Variants in GPR143 observed in about 807,000 individuals in gnomAD.
GPR143 encodes the protein G protein-coupled receptor 143, also known as G-protein coupled receptor 143.
In GPR143, 8 loss-of-function variants were observed where a neutral mutation model predicts 27.6. The observed-to-expected ratio is 0.29, with a 90% confidence interval of 0.17 to 0.52. The LOEUF (loss-of-function observed/expected upper bound fraction) is 0.52, where lower values mean the gene tolerates loss of function less well. GPR143 is among the 20% of genes least tolerant of loss of function. GPR143 has a pLI of 0.96. For missense variants in GPR143, 303 were observed against 343.1 expected, an observed-to-expected ratio of 0.88 and a Z score of 0.92; for synonymous variants, 156 against 153.2, an observed-to-expected ratio of 1.02 and a Z score of -0.13.
intron 2 of GPR143, among the ~76,000 whole-genome samples, chrX:9,759,768 G>A (rs889069172): frequency 1.7e-4 from 19 of 111,701 alleles, no homozygotes; most frequent in African/African-American, 5.8e-4. Flanking sequence ...CGGGGAGGAG[G>A]GACTCAGGCA....
chrX:9,747,494 C>T (rs2083434205), intron 4 of GPR143, among the ~76,000 whole-genome samples: 1 of 111,003 alleles, frequency 9.0e-6, no homozygotes, highest in South Asian at 3.8e-4. Context: ...AAGTGCATTC[C>T]GTTATAACAG....
intron 1 of GPR143, among the ~76,000 whole-genome samples, chrX:9,762,070 G>C (rs1374048231): frequency 9.0e-6 from 1 of 110,530 alleles, no homozygotes; most frequent in African/African-American, 3.3e-5. Flanking sequence ...CTGGGCGACA[G>C]AGTGAGACCC....
chrX:9,730,715 G>C (rs1415930729), intron 8 of GPR143, among the ~76,000 whole-genome samples: 1 of 112,066 alleles, frequency 8.9e-6, no homozygotes. Context: ...ATTATGGAGG[G>C]GAAGAGAAGT....
At chrX:9,726,791 T>TTTGA (rs199642381) in intron 8 of GPR143, among the ~76,000 whole-genome samples, 1,991 of 112,492 alleles carry the variant, frequency 0.018, 38 homozygotes, top group African/African-American at 0.061. Flanking sequence ...CTGGCTTTCT[T>TTTGA]TTGATTTCAT....
intron 3 of GPR143, among the ~76,000 whole-genome samples, chrX:9,754,262 C>CA (rs1441349387): frequency 8.9e-6 from 1 of 111,933 alleles, no homozygotes; most frequent in Non-Finnish European, 1.9e-5. Context: ...GAAACAAGCC[C>CA]AAAGAGCTTC....
intron 3 of GPR143, among the ~76,000 whole-genome samples, chrX:9,752,424 C>A (rs2083455116): frequency 8.9e-6 from 1 of 111,811 alleles, no homozygotes; most frequent in South Asian, 3.8e-4. Context: ...AAATACATTT[C>A]CCTAAAGATG....
At chrX:9,751,412 G>A (rs368436120) in intron 3 of GPR143, among the ~76,000 whole-genome samples, 8 of 112,485 alleles carry the variant, frequency 7.1e-5, no homozygotes, top group African/African-American at 2.3e-4. Flanking sequence ...TTTCCCTTCC[G>A]GTGCACATTC....
intron 7 of GPR143, chrX:9,740,885 T>C (rs962514377): frequency 3.4e-6 from 1 of 296,159 alleles, no homozygotes. Context: ...ATCCATGCTC[T>C]GATATTGTGA....
chrX:9,744,961 G>A (rs1282890664), intron 5 of GPR143, among the ~76,000 whole-genome samples: 2 of 111,834 alleles, frequency 1.8e-5, no homozygotes, highest in African/African-American at 6.5e-5. Context: ...ATATTTAAAT[G>A]TAGATATGCG....
intron 3 of GPR143, among the ~76,000 whole-genome samples, chrX:9,753,926 A>T (rs893977896): frequency 9.0e-6 from 1 of 111,513 alleles, no homozygotes; most frequent in Admixed American, 9.6e-5. Flanking sequence ...TCTAGCTTTC[A>T]TCTTTGTACT....
chrX:9,742,697 G>T (rs764151604), intron 6 of GPR143, among the ~76,000 whole-genome samples: 1 of 111,915 alleles, frequency 8.9e-6, no homozygotes, highest in South Asian at 3.7e-4. Flanking sequence ...GGGGAAAAAT[G>T]AGGAGAGACA....
intron 1 of GPR143, among the ~76,000 whole-genome samples, chrX:9,774,301 C>A (rs1176816431): frequency 8.9e-6 from 1 of 112,717 alleles, no homozygotes; most frequent in Non-Finnish European, 1.9e-5. Flanking sequence ...TGTGGGCTGT[C>A]TCCAAGGCCG....
intron 8 of GPR143, chrX:9,726,065 C>T (rs1267905187): frequency 6.5e-6 from 4 of 610,981 alleles, no homozygotes; most frequent in African/African-American, 5.3e-5. Flanking sequence ...ATCATTACAA[C>T]GGATGACACA....
intron 1 of GPR143, among the ~76,000 whole-genome samples, chrX:9,762,115 C>T (rs1243757971): frequency 2.0e-5 from 2 of 99,644 alleles, no homozygotes; most frequent in African/African-American, 3.8e-5. Context: ...AAGAGCCTGG[C>T]ATGGTGGCTC....
At chrX:9,757,370 A>G (rs2083477728) in intron 3 of GPR143, among the ~76,000 whole-genome samples, 2 of 112,719 alleles carry the variant, frequency 1.8e-5, no homozygotes, top group Non-Finnish European at 3.7e-5. Flanking sequence ...CTTAGGGGTT[A>G]GAATTTCAAT....
intron 1 of GPR143, among the ~76,000 whole-genome samples, chrX:9,777,242 A>C (rs1365359236): frequency 1.8e-5 from 2 of 112,498 alleles, no homozygotes; most frequent in African/African-American, 6.5e-5. Context: ...ATTCGGCTTT[A>C]CAAAATAAAA....
chrX:9,778,462 G>C (rs1016368442), intron 1 of GPR143, among the ~76,000 whole-genome samples: 1 of 110,959 alleles, frequency 9.0e-6, no homozygotes, highest in African/African-American at 3.3e-5. Flanking sequence ...TAACTGCATG[G>C]CCAGAAGGGT....
Position 9,765,609 on chromosome X carries a change from A to T in GPR143, c.209T>A (p.Ile70Asn), listed in dbSNP as rs2146705713. The change falls in exon 1 of 9, where the codon ATC (isoleucine) becomes AAC (asparagine). Residue 70 changes from isoleucine (I) to asparagine (N), a missense_variant. Physicochemically the swap from Ile to Asn is moderately radical, Grantham distance 149 (BLOSUM62 -3). Transcript: ENST00000467482. ...GTCGCAGGCAGCGGCAGCGCGCAGG[A>T]TGCGGACCGAGGCCGGCGGGGACGT... ...PATSPPASVR[I>N]LRAAAACDLL... 9.9e-7 allele frequency: 1 copy of T among 1,015,220 alleles called. No individual in the cohort carries two copies. Among genetic ancestry groups the T allele is most frequent in the East Asian group, 4.2e-5 (1 of 23,760 alleles). The allele number at this position is 1,015,220 out of a possible 1,213,427, so 83.7% of individuals were successfully genotyped here. A position where few individuals can be genotyped will look rare whatever the true frequency, so the allele number is the denominator to read the frequency against.
chrX:9,762,993 G>A (rs1022998095), intron 1 of GPR143, among the ~76,000 whole-genome samples: 14 of 111,150 alleles, frequency 1.3e-4, no homozygotes, highest in African/African-American at 3.9e-4. Context: ...AGGCTGGATC[G>A]TAGCTCACTC....
Sources: gnomAD v4.1 joint callset for allele counts (sites outside exome capture counted in the v4.1 genomes callset) on GRCh38, gnomAD v4.1.1 for gene constraint, MANE v1.5 for transcripts, NCBI Gene and HGNC (gene_info 2026-07-23, HGNC 2026-07-21) for gene names.